CHD3: variants seen among roughly 807,000 people sequenced by gnomAD.
CHD3 encodes ATP-dependent chromatin remodeler CHD3.
A neutral mutation model predicts 248.9 loss-of-function variants in CHD3; 52 were observed. That is an observed-to-expected ratio of 0.21 (90% CI 0.17 to 0.26). CHD3 has a LOEUF of 0.26. Ranked by LOEUF, CHD3 falls within the 10% of genes least tolerant of loss-of-function variation. The pLI, the probability that CHD3 is intolerant of heterozygous loss-of-function variation, is 1.00. For missense variants in CHD3, 1,482 were observed against 2,605.8 expected, an observed-to-expected ratio of 0.57 and a Z score of 9.39; for synonymous variants, 985 against 985.2, an observed-to-expected ratio of 1.00 and a Z score of 0.00.
In CHD3 at chr17:7,910,178, T is replaced by TC; in HGVS notation, c.5591-248dup. 1.9e-6 allele frequency: 1 copy of TC among 520,086 alleles called. No homozygotes were observed. Among genetic ancestry groups the TC allele is most frequent in the South Asian group, 2.3e-5 (1 of 43,454 alleles). The allele number at this position is 520,086 out of a possible 1,614,324, so 32.2% of individuals were successfully genotyped here. On this transcript the variant is annotated intron_variant, in intron 37 of 39. Coordinates refer to ENST00000330494, the MANE Select transcript of CHD3 (RefSeq NM_001005273.3). This position sits in a 1 kb window ranked among gnomAD's most constrained non-coding sequence, Gnocchi z 4.7. Reference sequence around the variant, plus strand: ...GCTCCCTTTTTCTTTCTTCTTTCTCTCCATCTGTCTTCTGTGGTAATCTGG... The same window carrying TC: ...GCTCCCTTTTTCTTTCTTCTTTCTCTCCCATCTGTCTTCTGTGGTAATCTGG...
chr17:7,902,831 A>C (rs1180733539), intron 21 of CHD3, 104 bp downstream of exon 21: 2 of 1,579,716 alleles, frequency 1.3e-6, no homozygotes, highest in Non-Finnish European at 1.7e-6. Flanking sequence ...TTGGAAACTT[A>C]GGCTTTGAGT....
In CHD3 at chr17:7,911,769, C is replaced by T; in HGVS notation, c.*184C>T. 2.0e-6 allele frequency: 3 copies of T among 1,506,552 alleles called. No homozygotes were observed. The highest frequency in any genetic ancestry group is 2.7e-6 in the Non-Finnish European group (3 of 1,119,126). 93.3% of individuals were successfully genotyped at this position (1,506,552 alleles called of 1,614,324 possible). ...AGGGCCCTTTGTCTTTCTCCACTCC[C>T]ACACACCTTTCCCACCAAGCCTTGA... On this transcript the variant is annotated 3_prime_UTR_variant, in exon 40 of 40. Transcript: ENST00000330494. The surrounding 1 kb of genome is among the most constrained non-coding windows in gnomAD (Gnocchi z 5.4).
chr17:7,894,561 C>T lies in CHD3; in HGVS notation c.1222C>T (p.Pro408Ser). 6.2e-7 allele frequency: 1 copy of T among 1,614,096 alleles called. No individual in the cohort carries two copies. Among genetic ancestry groups the T allele is most frequent in the Non-Finnish European group, 8.5e-7 (1 of 1,179,996 alleles). Residue 408 changes from proline to serine, a missense_variant, in exon 8 of 40, where the codon CCT (proline) becomes TCT (serine). Pro to Ser is a moderately conservative substitution (Grantham distance 74). Coordinates refer to ENST00000330494, the MANE Select transcript of CHD3 (RefSeq NM_001005273.3). ...TGCCTACCACCTCGTCTGCCTTGAT[C>T]CTGAGCTTGACCGGGCTCCAGAGGG... Reference protein sequence around the residue: ...PRAYHLVCLDPELDRAPEGKW... With the variant: ...PRAYHLVCLDSELDRAPEGKW...
In CHD3 at chr17:7,895,953, T is replaced by C. The variant is rs1361096384; in HGVS notation, c.1707+411T>C. Among the ~76,000 whole-genome samples the C allele has an allele frequency of 6.6e-6, 1 of 151,890 alleles. No individual in the cohort carries two copies. Among genetic ancestry groups the C allele is most frequent in the Non-Finnish European group, 1.5e-5 (1 of 67,974 alleles). On this transcript the variant is annotated intron_variant, in intron 10 of 39. Coordinates refer to ENST00000330494, the MANE Select transcript of CHD3 (RefSeq NM_001005273.3). The surrounding 1 kb of genome is among the most constrained non-coding windows in gnomAD (Gnocchi z 4.9). ...TTAAAAAAAAATTCTCGGCTGGGTG[T>C]GGTGGCTCACGCCTGTAATCCCAGT...
At chr17:7,892,328 C>A (rs1355904956) in intron 4 of CHD3, among the ~76,000 whole-genome samples, 1 of 152,058 alleles carries the variant, frequency 6.6e-6, no homozygotes, top group Non-Finnish European at 1.5e-5. Context: ...TAGTAAAATG[C>A]AGAGAATCAT....
chr17:7,885,048 C>T, upstream of CHD3: 3 of 1,049,266 alleles, frequency 2.9e-6, no homozygotes, highest in Non-Finnish European at 3.4e-6. Context: ...CCGCCGCCGC[C>T]ACCGCTGCCC....
Position 7,902,927 on chromosome 17 carries a change from C to T in CHD3, c.3371-10C>T, listed in dbSNP as rs781256088. 1.2e-6 allele frequency: 2 copies of T among 1,613,974 alleles called. No individual in the cohort carries two copies. The highest frequency in any genetic ancestry group is 1.3e-5 in the African/African-American group (1 of 75,002). On this transcript the variant is annotated splice_polypyrimidine_tract_variant and intron_variant, in intron 21 of 39. Coordinates refer to ENST00000330494, the MANE Select transcript of CHD3 (RefSeq NM_001005273.3). ...TACAAGAAAAACCTGATCCAACTCTCACCTCCTAGCTCCTGGGGCCCAACA... is the reference window on the plus strand; with the variant it reads ...TACAAGAAAAACCTGATCCAACTCTTACCTCCTAGCTCCTGGGGCCCAACA...
Position 7,899,005 on chromosome 17 carries a change from C to CT in CHD3, c.2152-5dup. On this transcript the variant is annotated splice_region_variant and splice_polypyrimidine_tract_variant and intron_variant, in intron 13 of 39. Coordinates refer to ENST00000330494, the MANE Select transcript of CHD3 (RefSeq NM_001005273.3). The surrounding 1 kb of genome is among the most constrained non-coding windows in gnomAD (Gnocchi z 6.8). ...CCTTGAGCTTTCTGACTTCTTGTCT[C>CT]TATAGCCTACCGTGAAATATGAGAC... 1 of 1,613,792 alleles carries CT rather than the reference C, an allele frequency of 6.2e-7. No homozygotes were observed. Among genetic ancestry groups the CT allele is most frequent in the Non-Finnish European group, 8.5e-7 (1 of 1,179,702 alleles).
In CHD3 at chr17:7,906,405, T is replaced by C; in HGVS notation, c.4359-148T>C. The C allele has an allele frequency of 2.6e-6, 2 of 781,182 alleles. No individual in the cohort carries two copies. Among genetic ancestry groups the C allele is most frequent in the Admixed American group, 2.3e-5 (1 of 43,962 alleles). The allele number at this position is 781,182 out of a possible 1,614,324, so 48.4% of individuals were successfully genotyped here. A position where few individuals can be genotyped will look rare whatever the true frequency, so the allele number is the denominator to read the frequency against. The stretch of plus-strand genomic sequence containing the variant: ...CAGTTAGGACTTGGAGGGCTGGTAA[T>C]GGTGAGAGTGAGAGGCCCAGGGGAG... On this transcript the variant is annotated intron_variant, in intron 28 of 39. Transcript: ENST00000330494. The surrounding 1 kb of genome is among the most constrained non-coding windows in gnomAD (Gnocchi z 5.0).
At chr17:7,896,668 G>C (rs1969708267) in intron 10 of CHD3, among the ~76,000 whole-genome samples, 1 of 149,926 alleles carries the variant, frequency 6.7e-6, no homozygotes, top group Non-Finnish European at 1.5e-5. Context: ...GCCTCCCAAA[G>C]TGCTGGGACG....
Position 7,895,389 on chromosome 17 carries a change from G to T in CHD3, c.1554G>T (p.Gly518=), listed in dbSNP as rs749528280. 1 of 1,614,124 alleles carries T rather than the reference G, an allele frequency of 6.2e-7. No individual in the cohort carries two copies. Among genetic ancestry groups the T allele is most frequent in the South Asian group, 1.1e-5 (1 of 91,078 alleles). ...AGAAGATCCTACATTGGCGGTGGGGGGAGCCACCTGTAGCAGTGCCAGCCC... is the reference window on the plus strand; with the variant it reads ...AGAAGATCCTACATTGGCGGTGGGGTGAGCCACCTGTAGCAGTGCCAGCCC... The part of the protein sequence containing the change: ...RVQKILHWRW[G]EPPVAVPAPQ... Residue 518 remains glycine (G), a synonymous_variant, in exon 10 of 40, where the codon GGG becomes GGT. Coordinates refer to ENST00000330494, the MANE Select transcript of CHD3 (RefSeq NM_001005273.3). The surrounding 1 kb of genome is among the most constrained non-coding windows in gnomAD (Gnocchi z 4.9).
In CHD3 at chr17:7,899,017, G is replaced by A. The variant is rs768758499; in HGVS notation, c.2158G>A (p.Val720Met). The change falls in exon 14 of 40, where the codon GTG (valine) becomes ATG (methionine). Residue 720 changes from valine (V) to methionine (M), a missense_variant. Val to Met is a conservative substitution (Grantham distance 21). Around this residue, in one of 20 missense-constraint regions of CHD3, gnomAD observed 127 missense variants for 188.3 expected, o/e 0.67. Coordinates refer to ENST00000330494, the MANE Select transcript of CHD3 (RefSeq NM_001005273.3). This position sits in a 1 kb window ranked among gnomAD's most constrained non-coding sequence, Gnocchi z 6.8. ...TGACTTCTTGTCTCTATAGCCTACCGTGAAATATGAGACTCAGCCACGGTT... is the reference window on the plus strand; with the variant it reads ...TGACTTCTTGTCTCTATAGCCTACCATGAAATATGAGACTCAGCCACGGTT... ...PPSSPTNDPTVKYETQPRFIT... is the reference protein window; with the variant it reads ...PPSSPTNDPTMKYETQPRFIT... The A allele has an allele frequency of 1.1e-5, 18 of 1,613,868 alleles. No homozygotes were observed. The highest frequency in any genetic ancestry group is 3.3e-5 in the Admixed American group (2 of 59,992).
chr17:7,904,462 G>A lies in CHD3; in HGVS notation c.3915G>A (p.Glu1305=), dbSNP rs1567863623. The change falls in exon 25 of 40, where the codon GAG becomes GAA. Residue 1305 remains glutamate, a synonymous_variant. Coordinates refer to ENST00000330494, the MANE Select transcript of CHD3 (RefSeq NM_001005273.3). The surrounding 1 kb of genome is among the most constrained non-coding windows in gnomAD (Gnocchi z 4.4). Reference sequence around the variant, plus strand: ...TTCAGATTGAGGAAATTGAGCGAGAGATCATCAAGCAGGAGGAGAATGTGG... The same window carrying A: ...TTCAGATTGAGGAAATTGAGCGAGAAATCATCAAGCAGGAGGAGAATGTGG... ...EEDKIEEIER[E]IIKQEENVDP... 1 of 1,613,602 alleles carries A rather than the reference G, an allele frequency of 6.2e-7. No homozygotes were observed. Among genetic ancestry groups the A allele is most frequent in the East Asian group, 2.2e-5 (1 of 44,854 alleles).
rs756052160 is a variant in CHD3, at chr17:7,906,187, G to C, written c.4358+198G>C. On this transcript the variant is annotated intron_variant, in intron 28 of 39. Transcript: ENST00000330494. The surrounding 1 kb of genome is among the most constrained non-coding windows in gnomAD (Gnocchi z 5.0). ...TCCCCTCAGCCGAGCCTAGAGTAGA[G>C]GGGCCAGGCATCCTCCCCAGGGGAG... 3.4e-6 allele frequency: 3 copies of C among 878,350 alleles called. No individual in the cohort carries two copies. In the Admixed American group the frequency reaches 5.1e-5, roughly 15 times the overall value. The allele number at this position is 878,350 out of a possible 1,614,324, so 54.4% of individuals were successfully genotyped here. A position where few individuals can be genotyped will look rare whatever the true frequency, so the allele number is the denominator to read the frequency against.
rs765515173 is a variant in CHD3 at position 7,907,579 on chromosome 17, T to C, written c.4925-22T>C. 5.9e-6 allele frequency: 9 copies of C among 1,513,428 alleles called. No individual in the cohort carries two copies. 93.7% of individuals were successfully genotyped at this position (1,513,428 alleles called of 1,614,324 possible). On this transcript the variant is annotated intron_variant, in intron 32 of 39. Transcript: ENST00000330494. This position sits in a 1 kb window ranked among gnomAD's most constrained non-coding sequence, Gnocchi z 4.3. ...GGATGAGGGTAACATCCTCCCTTCCTATCCCCTACCCCCTCCCACAGCCAC... is the reference window on the plus strand; with the variant it reads ...GGATGAGGGTAACATCCTCCCTTCCCATCCCCTACCCCCTCCCACAGCCAC...
rs747288057 is a variant in CHD3 at position 7,907,049 on chromosome 17, T to C, written c.4666+18T>C. On this transcript the variant is annotated intron_variant, in intron 30 of 39. Transcript: ENST00000330494. This position sits in a 1 kb window ranked among gnomAD's most constrained non-coding sequence, Gnocchi z 4.3. ...TAAACCTGGTAATCAGAAGTCAGGATGGTGGGAGAGACAGAAAGGGAGCCA... is the reference window on the plus strand; with the variant it reads ...TAAACCTGGTAATCAGAAGTCAGGACGGTGGGAGAGACAGAAAGGGAGCCA... 4.3e-6 allele frequency: 7 copies of C among 1,613,860 alleles called. No homozygotes were observed. The East Asian group carries it at 1.6e-4, about 36-fold the overall frequency.
At chr17:7,884,828 G>C (rs1384641320), upstream of CHD3, 10 of 520,536 alleles carry the variant, frequency 1.9e-5, no homozygotes, top group Non-Finnish European at 2.6e-5. Flanking sequence ...TCTGAGGGAC[G>C]AGGAGGAGGA....
chr17:7,907,272 G>C lies in CHD3; in HGVS notation c.4788+25G>C. ...GGTGTGTGGCTCCCTGGATTCCCCT[G>C]TGGAGCGGGAGGGGAGGGGGCTTGG... On this transcript the variant is annotated intron_variant, in intron 31 of 39. Transcript: ENST00000330494. The surrounding 1 kb of genome is among the most constrained non-coding windows in gnomAD (Gnocchi z 4.3). The C allele has an allele frequency of 6.2e-7, 1 of 1,614,174 alleles. No homozygotes were observed. Among genetic ancestry groups the C allele is most frequent in the Non-Finnish European group, 8.5e-7 (1 of 1,179,988 alleles).
rs1971526140 is a variant in CHD3, at chr17:7,910,581, A to G, written c.5744A>G (p.His1915Arg). ...SRLASKGTEP[H>R]PTPAYPPGPY... is the part of the protein sequence containing the mutation. ...CTGGCCAGCAAGGGCACGGAGCCTC[A>G]CCCCACACCGGTAACCCTCTTTCCC... Residue 1915 changes from histidine to arginine, a missense_variant, in exon 38 of 40, where the codon CAC (histidine) becomes CGC (arginine). This residue lies in a region of CHD3 where 117 missense variants were observed against 137.2 expected (regional missense o/e 0.85). Coordinates refer to ENST00000330494, the MANE Select transcript of CHD3 (RefSeq NM_001005273.3). The surrounding 1 kb of genome is among the most constrained non-coding windows in gnomAD (Gnocchi z 4.7). 2 of 1,609,300 alleles carry G rather than the reference A, an allele frequency of 1.2e-6. No homozygotes were observed. Among genetic ancestry groups the G allele is most frequent in the Middle Eastern group, 1.7e-4 (1 of 6,058 alleles).
Sources: allele counts gnomAD v4.1 joint callset (sites outside exome capture counted in the v4.1 genomes callset), GRCh38; gene constraint gnomAD v4.1.1; regional missense constraint gnomAD v4.1.1; non-coding constraint Gnocchi (gnomAD v3.1); transcripts MANE v1.5; gene names NCBI Gene and HGNC (gene_info 2026-07-23, HGNC 2026-07-21).